TOM1: variants seen among roughly 807,000 people sequenced by gnomAD.
The protein encoded by TOM1 is target of myb1 membrane trafficking protein.
In TOM1, 38 loss-of-function variants were observed where a neutral mutation model predicts 61.3. The ratio of observed to expected loss-of-function variants is 0.62; its 90% CI spans 0.48 to 0.81. The LOEUF (loss-of-function observed/expected upper bound fraction) is 0.81, where lower values mean the gene tolerates loss of function less well. Ranked by LOEUF, TOM1 falls within the 40% of genes least tolerant of loss-of-function variation. The pLI, the probability that TOM1 is intolerant of heterozygous loss-of-function variation, is 0.00. For synonymous variants in TOM1, 270 were observed against 268.8 expected (o/e 1.00, Z -0.04); for missense variants, 591 against 659.6 (o/e 0.90, Z 1.14).
At chr22:35,303,718 G>A (rs920052387) in intron 1 of TOM1, among the ~76,000 whole-genome samples, 1 of 152,008 alleles carries the variant, frequency 6.6e-6, no homozygotes, top group Non-Finnish European at 1.5e-5. Context: ...AGCTGGTCTT[G>A]AACTCCTGAC....
chr22:35,340,549 C>T (rs1929786950), intron 12 of TOM1, among the ~76,000 whole-genome samples: 1 of 152,010 alleles, frequency 6.6e-6, no homozygotes, highest in Non-Finnish European at 1.5e-5. Flanking sequence ...GAGTTCAAGA[C>T]CAACCTGGGC....
chr22:35,334,092 A>C (rs138789), intron 10 of TOM1, among the ~76,000 whole-genome samples: 97,796 of 152,060 alleles, frequency 0.64, 31,478 homozygotes, highest in Middle Eastern at 0.67. Flanking sequence ...TAGCGTTTTG[A>C]CTGTTCTCTA....
In TOM1 at chr22:35,347,585, C is replaced by G. The variant is rs1016596659; in HGVS notation, c.*376C>G. On this transcript the variant is annotated 3_prime_UTR_variant, in exon 15 of 15. Coordinates refer to ENST00000449058, the MANE Select transcript of TOM1 (RefSeq NM_005488.3). ...CATGCCCCAAGGAGCCCTTCAGAGC[C>G]CACACTGCCAGTCGAGGCCTGGCTG... 1 of 170,418 alleles carries G rather than the reference C, an allele frequency of 5.9e-6. No individual in the cohort carries two copies. Among genetic ancestry groups the G allele is most frequent in the African/African-American group, 2.4e-5 (1 of 42,040 alleles). 10.6% of individuals were successfully genotyped at this position (170,418 alleles called of 1,614,324 possible). A position where few individuals can be genotyped will look rare whatever the true frequency, so the allele number is the denominator to read the frequency against.
intron 1 of TOM1, among the ~76,000 whole-genome samples, chr22:35,315,886 G>A (rs959193029): frequency 1.5e-4 from 23 of 152,188 alleles, no homozygotes; most frequent in African/African-American, 5.6e-4. Context: ...CATGCCCACC[G>A]AGTCCACCAT....
chr22:35,306,402 G>A (rs749828374), intron 1 of TOM1, among the ~76,000 whole-genome samples: 1 of 152,148 alleles, frequency 6.6e-6, no homozygotes, highest in Non-Finnish European at 1.5e-5. Flanking sequence ...TTCCTGATCC[G>A]TAAGTACAGG....
At chr22:35,337,874 T>C (rs1929512218) in intron 11 of TOM1, among the ~76,000 whole-genome samples, 1 of 152,162 alleles carries the variant, frequency 6.6e-6, no homozygotes, top group Admixed American at 6.5e-5. Context: ...ATAACAGGGC[T>C]CTTTCCCTGC....
chr22:35,338,411 C>T (rs1169926465), intron 11 of TOM1, among the ~76,000 whole-genome samples: 3 of 152,190 alleles, frequency 2.0e-5, no homozygotes, highest in East Asian at 1.9e-4. Context: ...CATGAGCCTA[C>T]GGGCACTGGA....
intron 1 of TOM1, among the ~76,000 whole-genome samples, chr22:35,308,528 C>T (rs1926544773): frequency 6.6e-6 from 1 of 152,074 alleles, no homozygotes; most frequent in African/African-American, 2.4e-5. Context: ...GTGATCCTCC[C>T]GCCTTGGCCT....
chr22:35,333,488 G>A lies in TOM1; in HGVS notation c.1018G>A (p.Ala340Thr), dbSNP rs571208836. 4.2e-5 allele frequency: 67 copies of A among 1,614,206 alleles called. No individual in the cohort carries two copies. The South Asian group carries it at 7.1e-4, about 17-fold the overall frequency. ...CACCGGCAACCTCTCATCCCAGCTG[G>A]CAGGAATGAGTAAGTGTGGTTTGGA... Reference protein sequence around the residue: ...AATGNLSSQLAGMNLGSSSVR... With the variant: ...AATGNLSSQLTGMNLGSSSVR... Residue 340 changes from alanine to threonine, a missense_variant, in exon 10 of 15, where the codon GCA becomes ACA. Ala to Thr is a moderately conservative substitution (Grantham distance 58). Coordinates refer to ENST00000449058, the MANE Select transcript of TOM1 (RefSeq NM_005488.3).
At chr22:35,326,711 G>A (rs1180128655) in intron 6 of TOM1, among the ~76,000 whole-genome samples, 2 of 151,902 alleles carry the variant, frequency 1.3e-5, no homozygotes, top group Non-Finnish European at 2.9e-5. Context: ...CAGTCCTCTA[G>A]GAGGAGAGAG....
rs545187605 is a variant in TOM1 at position 35,306,652 on chromosome 22, T to C, written c.52+6672T>C. Among the ~76,000 whole-genome samples, 44 of 152,354 alleles carry C rather than the reference T, an allele frequency of 2.9e-4. 1 individual carries two copies. The highest frequency in any genetic ancestry group is 5.1e-4 in the African/African-American group (21 of 41,584). On this transcript the variant is annotated intron_variant, in intron 1 of 14. Coordinates refer to ENST00000449058, the MANE Select transcript of TOM1 (RefSeq NM_005488.3). ...AATAATAGCACCTATCAGATAGGGC[T>C]GTCGTGTTGTTGTGCTATAAAGCAC...
At position 35,323,979 on chromosome 22, in the gene TOM1, C is replaced by T. The variant is rs944185623; in HGVS notation, c.648+65C>T. On this transcript the variant is annotated intron_variant, in intron 6 of 14. Coordinates refer to ENST00000449058, the MANE Select transcript of TOM1 (RefSeq NM_005488.3). The surrounding 1 kb of genome is among the most constrained non-coding windows in gnomAD (Gnocchi z 4.2). The stretch of plus-strand genomic sequence containing the variant: ...GTGGGCCACACACGTCAGGGAGGGC[C>T]CCCTGTCAGAATTTACCATCCACGG... 1 of 1,495,866 alleles carries T rather than the reference C, an allele frequency of 6.7e-7. No homozygotes were observed. Among genetic ancestry groups the T allele is most frequent in the Non-Finnish European group, 8.9e-7 (1 of 1,119,624 alleles). 92.7% of individuals were successfully genotyped at this position (1,495,866 alleles called of 1,614,324 possible). A position where few individuals can be genotyped will look rare whatever the true frequency, so the allele number is the denominator to read the frequency against.
At chr22:35,324,707 C>A (rs1315874007) in intron 6 of TOM1, among the ~76,000 whole-genome samples, 1 of 152,174 alleles carries the variant, frequency 6.6e-6, no homozygotes, top group Non-Finnish European at 1.5e-5. Context: ...AGCCACCATG[C>A]CCAGCTAATT....
chr22:35,312,550 C>G (rs1414772673), intron 1 of TOM1, among the ~76,000 whole-genome samples: 1 of 152,246 alleles, frequency 6.6e-6, no homozygotes, highest in African/African-American at 2.4e-5. Context: ...TGCTGTGCAT[C>G]TCACAAACTG....
intron 12 of TOM1, among the ~76,000 whole-genome samples, chr22:35,343,616 CAT>C (rs1174979492): frequency 1.4e-5 from 2 of 138,246 alleles, no homozygotes; most frequent in Non-Finnish European, 3.1e-5. Context: ...ACCACACACA[CAT>C]CTACACCCAC....
At chr22:35,338,915 C>A in intron 12 of TOM1, 127 bp downstream of exon 12, 1 of 869,536 alleles carries the variant, frequency 1.2e-6, no homozygotes, top group East Asian at 3.0e-5. Flanking sequence ...CTCGTTTGGC[C>A]GTCAGGTCGG....
intron 1 of TOM1, among the ~76,000 whole-genome samples, chr22:35,307,773 A>G (rs1926455842): frequency 6.6e-6 from 1 of 152,166 alleles, no homozygotes; most frequent in East Asian, 1.9e-4. Flanking sequence ...AGGGGCTGAG[A>G]CAGACAGAGA....
At chr22:35,307,237 G>C (rs563056675) in intron 1 of TOM1, among the ~76,000 whole-genome samples, 1 of 152,054 alleles carries the variant, frequency 6.6e-6, no homozygotes, top group East Asian at 1.9e-4. Context: ...TATTATTTTC[G>C]TAGGGTTTTC....
chr22:35,330,593 A>C, intron 8 of TOM1, 113 bp downstream of exon 8: 2 of 1,109,150 alleles, frequency 1.8e-6, no homozygotes, highest in Non-Finnish European at 2.5e-6. Flanking sequence ...CCTCCTCTCA[A>C]ACACAAGGCA....
Sources: gnomAD v4.1 joint callset for allele counts (sites outside exome capture counted in the v4.1 genomes callset) on GRCh38, gnomAD v4.1.1 for gene constraint, Gnocchi (gnomAD v3.1) non-coding constraint, MANE v1.5 for transcripts, NCBI Gene and HGNC (gene_info 2026-07-23, HGNC 2026-07-21) for gene names.